IVNS1ABP: variants seen among roughly 807,000 people sequenced by gnomAD.
IVNS1ABP encodes influenza virus NS1A-binding protein.
A neutral mutation model predicts 78.9 loss-of-function variants in IVNS1ABP; 25 were observed. The ratio of observed to expected loss-of-function variants is 0.32; its 90% CI spans 0.23 to 0.44. The LOEUF (loss-of-function observed/expected upper bound fraction) is 0.44. Ranked by LOEUF, IVNS1ABP falls within the 20% of genes least tolerant of loss-of-function variation. IVNS1ABP has a pLI of 1.00. For synonymous variants in IVNS1ABP, 241 were observed against 259.7 expected, an observed-to-expected ratio of 0.93 and a Z score of 0.69; for missense variants, 494 against 768.9, an observed-to-expected ratio of 0.64 and a Z score of 4.23.
At position 185,307,083 on chromosome 1, in the gene IVNS1ABP, T is replaced by G; in HGVS notation, c.588A>C (p.Thr196=). 1 of 1,613,562 alleles carries G rather than the reference T, an allele frequency of 6.2e-7. No individual in the cohort carries two copies. Among genetic ancestry groups the G allele is most frequent in the Non-Finnish European group, 8.5e-7 (1 of 1,179,536 alleles). ...TACGCTGCACCCAGTTGATTACCTTTGTATATAATTTGCCATTGCTGGGCA... is the reference window on the plus strand; with the variant it reads ...TACGCTGCACCCAGTTGATTACCTTGGTATATAATTTGCCATTGCTGGGCA... The part of the protein sequence containing the change: ...VCLPSNGKLY[T]KVINWVQRSI... The change falls in exon 7 of 15, where the codon ACA becomes ACC. Residue 196 remains threonine, a synonymous_variant. Transcript: ENST00000367498.
Position 185,309,175 on chromosome 1 carries a change from G to A in IVNS1ABP, c.112-3C>T, listed in dbSNP as rs759099646. The A allele has an allele frequency of 2.6e-6, 4 of 1,567,812 alleles. No individual in the cohort carries two copies. Among genetic ancestry groups the A allele is most frequent in the Non-Finnish European group, 3.4e-6 (4 of 1,161,518 alleles). On this transcript the variant is annotated splice_region_variant and splice_polypyrimidine_tract_variant and intron_variant, in intron 3 of 14. Coordinates refer to ENST00000367498, the MANE Select transcript of IVNS1ABP (RefSeq NM_006469.5). Reference sequence around the variant, plus strand: ...GCTAACATTTCATGGCCACAGACCTGAAATTATGAAGAATTATAATTATAA... The same window carrying A: ...GCTAACATTTCATGGCCACAGACCTAAAATTATGAAGAATTATAATTATAA...
chr1:185,315,347 A>G (rs1000642384), intron 1 of IVNS1ABP, among the ~76,000 whole-genome samples: 1 of 152,274 alleles, frequency 6.6e-6, no homozygotes, highest in Non-Finnish European at 1.5e-5. Flanking sequence ...ACACTAATTT[A>G]AAACTAAGAC....
In IVNS1ABP at chr1:185,298,201, A is replaced by G. The variant is rs1360936143; in HGVS notation, c.1763T>C (p.Met588Thr). ...MYDPTRNEWK[M>T]MGNMTSPRSN... ...CCTTGGTGAAGTCATATTTCCCATCATCTTCCATTCATTTCTAGTTGGATC... is the reference window on the plus strand; with the variant it reads ...CCTTGGTGAAGTCATATTTCCCATCGTCTTCCATTCATTTCTAGTTGGATC... Residue 588 changes from methionine to threonine, a missense_variant, in exon 15 of 15, where the codon ATG becomes ACG. Physicochemically the swap from Met to Thr is moderately conservative, Grantham distance 81. Transcript: ENST00000367498. This position sits in a 1 kb window ranked among gnomAD's most constrained non-coding sequence, Gnocchi z 4.1. 1 of 1,613,794 alleles carries G rather than the reference A, an allele frequency of 6.2e-7. No homozygotes were observed. The highest frequency in any genetic ancestry group is 8.5e-7 in the Non-Finnish European group (1 of 1,179,818).
chr1:185,307,948 G>A (rs1220606421), intron 5 of IVNS1ABP: 51 of 1,542,442 alleles, frequency 3.3e-5, no homozygotes, highest in Non-Finnish European at 4.0e-5. Flanking sequence ...TTCATGAAAC[G>A]CAGTATCTGA....
Position 185,300,338 on chromosome 1 carries a change from C to T in IVNS1ABP, c.1248G>A (p.Gln416=). 1.9e-6 allele frequency: 3 copies of T among 1,613,488 alleles called. No homozygotes were observed. The highest frequency in any genetic ancestry group is 2.5e-6 in the Non-Finnish European group (3 of 1,179,716). Reference sequence around the variant, plus strand: ...CATTTGATCCACCTACCACATAGAGCTGGCCCTATGCCAAAAGTGAGAGAT... The same window carrying T: ...CATTTGATCCACCTACCACATAGAGTTGGCCCTATGCCAAAAGTGAGAGAT... The part of the protein sequence containing the change: ...ARFQMAVLMG[Q]LYVVGGSNGH... Residue 416 remains glutamine (Q), a synonymous_variant, in exon 12 of 15, where the codon CAG becomes CAA. Transcript: ENST00000367498.
intron 4 of IVNS1ABP, 25 bp downstream of exon 4, chr1:185,308,978 T>C (rs1163604220): frequency 6.3e-7 from 1 of 1,591,186 alleles, no homozygotes; most frequent in Admixed American, 1.7e-5. Context: ...TCCCTAATTA[T>C]ATGGTTTACT....
At chr1:185,307,699 A>G (rs767343287) in intron 5 of IVNS1ABP, 37 bp from the exon 6 acceptor site, 3 of 1,574,064 alleles carry the variant, frequency 1.9e-6, no homozygotes, top group Non-Finnish European at 2.6e-6. Flanking sequence ...ACACTTACAT[A>G]TCTTTTATTC....
At chr1:185,306,369 T>TAAAAAA in intron 7 of IVNS1ABP, 1 of 844,278 alleles carries the variant, frequency 1.2e-6, no homozygotes, top group South Asian at 1.6e-5. Flanking sequence ...CCATCAATTT[T>TAAAAAA]ATCTTGTGTA....
At chr1:185,314,467 T>G (rs998357871) in intron 1 of IVNS1ABP, among the ~76,000 whole-genome samples, 2 of 152,222 alleles carry the variant, frequency 1.3e-5, no homozygotes, top group Admixed American at 1.3e-4. Context: ...ATAGCAAATA[T>G]ATTCCAGAAA....
intron 1 of IVNS1ABP, among the ~76,000 whole-genome samples, chr1:185,314,327 C>G (rs1665958976): frequency 6.6e-6 from 1 of 152,160 alleles, no homozygotes; most frequent in Non-Finnish European, 1.5e-5. Context: ...AAGGCACAAA[C>G]TGAAATGGAA....
chr1:185,300,463 C>T lies in IVNS1ABP; in HGVS notation c.1216G>A (p.Ala406Thr). Reference sequence around the variant, plus strand: ...ATGAGTACAGCCATTTGAAATCGGGCTCTTGGTGTTCTCATGGGAGCAAGA... The same window carrying T: ...ATGAGTACAGCCATTTGAAATCGGGTTCTTGGTGTTCTCATGGGAGCAAGA... ...SFLAPMRTPR[A>T]RFQMAVLMGQ... The change falls in exon 11 of 15, where the codon GCC (alanine) becomes ACC (threonine). Residue 406 changes from alanine (A) to threonine (T), a missense_variant. Coordinates refer to ENST00000367498, the MANE Select transcript of IVNS1ABP (RefSeq NM_006469.5). 1 of 1,613,660 alleles carries T rather than the reference C, an allele frequency of 6.2e-7. No individual in the cohort carries two copies. Among genetic ancestry groups the T allele is most frequent in the Non-Finnish European group, 8.5e-7 (1 of 1,179,736 alleles).
At position 185,301,106 on chromosome 1, in the gene IVNS1ABP, CTTG is replaced by C; in HGVS notation, c.983_985del (p.Thr328del). ...TAAACTCTTACTTAGTTTTGGAGTA[CTTG>C]TTGGTGAGCTCTGTGGGCTGTTTCT... On this transcript the variant is annotated inframe_deletion, in exon 10 of 15. Coordinates refer to ENST00000367498, the MANE Select transcript of IVNS1ABP (RefSeq NM_006469.5). 6.2e-7 allele frequency: 1 copy of C among 1,613,476 alleles called. No homozygotes were observed. The highest frequency in any genetic ancestry group is 8.5e-7 in the Non-Finnish European group (1 of 1,179,692).
chr1:185,296,714 A>T lies in IVNS1ABP; in HGVS notation c.*1321T>A, dbSNP rs1665428092. ...ATAGTCACCTCATCCCAGTTGGCCC[A>T]TTAGGTTCCTGTGTGCTTCATCTTC... On this transcript the variant is annotated 3_prime_UTR_variant, in exon 15 of 15. Coordinates refer to ENST00000367498, the MANE Select transcript of IVNS1ABP (RefSeq NM_006469.5). The T allele has an allele frequency of 6.6e-6, 1 of 152,078 alleles. No homozygotes were observed. The highest frequency in any genetic ancestry group is 1.9e-4 in the East Asian group (1 of 5,190). 9.4% of individuals were successfully genotyped at this position (152,078 alleles called of 1,614,324 possible). A position where few individuals can be genotyped will look rare whatever the true frequency, so the allele number is the denominator to read the frequency against.
chr1:185,299,489 T>A (rs889947043), intron 14 of IVNS1ABP: 2 of 562,370 alleles, frequency 3.6e-6, no homozygotes, highest in Non-Finnish European at 6.3e-6. Flanking sequence ...AGTGCACCCA[T>A]CAAAAGACTG....
intron 6 of IVNS1ABP, 93 bp downstream of exon 6, chr1:185,307,396 T>C: frequency 9.9e-7 from 1 of 1,013,976 alleles, no homozygotes; most frequent in Non-Finnish European, 1.5e-6. Flanking sequence ...AATGTATTAT[T>C]TCATAATCAT....
rs1440385571 is a variant in IVNS1ABP at position 185,305,280 on chromosome 1, T to C, written c.765+256A>G. On this transcript the variant is annotated intron_variant, in intron 8 of 14. Coordinates refer to ENST00000367498, the MANE Select transcript of IVNS1ABP (RefSeq NM_006469.5). This position sits in a 1 kb window ranked among gnomAD's most constrained non-coding sequence, Gnocchi z 4.0. The stretch of plus-strand genomic sequence containing the variant: ...CCCAAATAATTTCTATATTGTTCCA[T>C]CTTATTGGCCTTTACTGTTTGTAAT... 6.6e-6 allele frequency among the ~76,000 whole-genome samples: 1 copy of C among 152,192 alleles called. No homozygotes were observed. The highest frequency in any genetic ancestry group is 2.4e-5 in the African/African-American group (1 of 41,450).
At position 185,308,880 on chromosome 1, in the gene IVNS1ABP, T is replaced by A; in HGVS notation, c.282-5A>T. On this transcript the variant is annotated splice_polypyrimidine_tract_variant and splice_region_variant and intron_variant, in intron 4 of 14. Transcript: ENST00000367498. ...AATTCCTTATCTGCTTTCAACCTAT[T>A]TAAAAAAAAAGTTACTTATGATACC... The A allele has an allele frequency of 6.2e-7, 1 of 1,602,084 alleles. No individual in the cohort carries two copies. Among genetic ancestry groups the A allele is most frequent in the Non-Finnish European group, 8.5e-7 (1 of 1,176,442 alleles).
At chr1:185,301,815 A>T (rs1292346692) in intron 8 of IVNS1ABP, 4 of 273,854 alleles carry the variant, frequency 1.5e-5, no homozygotes, top group Non-Finnish European at 2.7e-5. Context: ...AACAATTTGA[A>T]AAACATGTTG....
intron 7 of IVNS1ABP, chr1:185,306,631 G>A (rs1665747069): frequency 2.5e-6 from 3 of 1,178,160 alleles, no homozygotes; most frequent in Non-Finnish European, 3.2e-6. Context: ...TAAACCTATG[G>A]GGAGATAAAT....
Sources: allele counts gnomAD v4.1 joint callset (sites outside exome capture counted in the v4.1 genomes callset), GRCh38; gene constraint gnomAD v4.1.1; non-coding constraint Gnocchi (gnomAD v3.1); transcripts MANE v1.5; gene names NCBI Gene and HGNC (gene_info 2026-07-23, HGNC 2026-07-21).